MEGF10: variants seen among roughly 807,000 people sequenced by gnomAD.
MEGF10 encodes multiple EGF like domains 10.
In MEGF10, 86 loss-of-function variants were observed where a neutral mutation model predicts 147.5. That is an observed-to-expected ratio of 0.58 (90% CI 0.49 to 0.70). MEGF10 has a LOEUF of 0.70. MEGF10 is among the 30% of genes least tolerant of loss of function. The probability of loss-of-function intolerance (pLI) is 0.00; values close to 1 mark genes in which losing one functional copy is unlikely to be tolerated. For synonymous variants in MEGF10, 478 were observed against 525.5 expected, an observed-to-expected ratio of 0.91 and a Z score of 1.24; for missense variants, 1,329 against 1,487.3, an observed-to-expected ratio of 0.89 and a Z score of 1.75.
At chr5:127,316,757 G>A (rs1760563404) in intron 1 of MEGF10, among the ~76,000 whole-genome samples, 1 of 152,152 alleles carries the variant, frequency 6.6e-6, no homozygotes. Flanking sequence ...TGACATTAAG[G>A]AGTCTGGTAG....
the MEGF10 span, among the ~76,000 whole-genome samples, chr5:127,251,367 C>T: frequency 6.6e-6 from 1 of 151,978 alleles, no homozygotes; most frequent in Non-Finnish European, 1.5e-5. Context: ...GTTACTTAAA[C>T]TCTTTGTGCC....
chr5:127,355,681 A>G (rs1214595598), intron 4 of MEGF10, among the ~76,000 whole-genome samples: 1 of 152,238 alleles, frequency 6.6e-6, no homozygotes, highest in Non-Finnish European at 1.5e-5. Context: ...AGCAGGGAAG[A>G]TAGGAAATCT....
Position 127,315,899 on chromosome 5 carries a change from C to T in MEGF10, c.-18-15392C>T, listed in dbSNP as rs960770908. On this transcript the variant is annotated intron_variant, in intron 1 of 24. Transcript: ENST00000503335. ...GTGTGCTAATCTAACACTCTAAGAACATGTTGAAGCAGAGCAGTCTTTCAG... is the reference window on the plus strand; with the variant it reads ...GTGTGCTAATCTAACACTCTAAGAATATGTTGAAGCAGAGCAGTCTTTCAG... Among the ~76,000 whole-genome samples, 17 of 152,274 alleles carry T rather than the reference C, an allele frequency of 1.1e-4. No individual in the cohort carries two copies. The East Asian group carries it at 1.3e-3, about 12-fold the overall frequency.
chr5:127,247,440 GAA>G, the MEGF10 span, among the ~76,000 whole-genome samples: 1 of 113,338 alleles, frequency 8.8e-6, no homozygotes, highest in Non-Finnish European at 1.8e-5. Flanking sequence ...AGAAGAAGAA[GAA>G]GAAGAAGAAG....
chr5:127,451,534 A>T (rs1439947328), intron 22 of MEGF10, among the ~76,000 whole-genome samples: 2 of 152,220 alleles, frequency 1.3e-5, no homozygotes, highest in African/African-American at 4.8e-5. Context: ...AGTCTTAATT[A>T]CATTTATAAT....
chr5:127,454,716 G>T, intron 23 of MEGF10, 106 bp downstream of exon 23: 2 of 1,022,978 alleles, frequency 2.0e-6, no homozygotes. Flanking sequence ...AGAAAATGTA[G>T]AATTTTTAGT....
chr5:127,435,221 A>G (rs1765513670), intron 15 of MEGF10, 140 bp from the exon 16 acceptor site: 1 of 1,004,952 alleles, frequency 1.0e-6, no homozygotes, highest in Non-Finnish European at 1.4e-6. Flanking sequence ...CCCATTCAAG[A>G]TGAAGGATGC....
intron 4 of MEGF10, among the ~76,000 whole-genome samples, chr5:127,364,635 A>G (rs779760943): frequency 1.3e-5 from 2 of 152,232 alleles, no homozygotes; most frequent in Non-Finnish European, 2.9e-5. Flanking sequence ...AAGCAAAACG[A>G]TTCCTGTGCA....
intron 7 of MEGF10, among the ~76,000 whole-genome samples, chr5:127,402,174 T>A (rs138884979): frequency 6.6e-6 from 1 of 152,206 alleles, no homozygotes; most frequent in East Asian, 1.9e-4. Context: ...ATAAGTATTG[T>A]TGACTTATTG....
At chr5:127,334,577 A>G (rs1394339680) in intron 2 of MEGF10, among the ~76,000 whole-genome samples, 1 of 152,180 alleles carries the variant, frequency 6.6e-6, no homozygotes, top group Non-Finnish European at 1.5e-5. Flanking sequence ...TTGTACATAA[A>G]ATGAAATTAA....
intron 2 of MEGF10, among the ~76,000 whole-genome samples, chr5:127,338,608 C>T (rs1580732248): frequency 6.6e-6 from 1 of 152,090 alleles, no homozygotes; most frequent in African/African-American, 2.4e-5. Flanking sequence ...TATAGTCTTC[C>T]ATTGCCTGAA....
chr5:127,311,939 C>T (rs897097960), intron 1 of MEGF10, among the ~76,000 whole-genome samples: 1 of 152,124 alleles, frequency 6.6e-6, no homozygotes, highest in Non-Finnish European at 1.5e-5. Flanking sequence ...CCAGAGAAGC[C>T]AGCTTCTCAG....
chr5:127,382,131 A>G (rs777742471), intron 5 of MEGF10, among the ~76,000 whole-genome samples: 1 of 152,194 alleles, frequency 6.6e-6, no homozygotes, highest in Non-Finnish European at 1.5e-5. Flanking sequence ...TGATCAAAGT[A>G]TTTTTAAAAT....
the MEGF10 span, among the ~76,000 whole-genome samples, chr5:127,251,758 A>G: frequency 6.0e-3 from 918 of 152,150 alleles, 10 homozygotes; most frequent in African/African-American, 0.021. Context: ...AGTAAGATAT[A>G]AAACATTAAA....
rs1002325970 is a variant in MEGF10, at chr5:127,434,937, T to C, written c.1975+116T>C. ...CATGTTTTCAGCTGTCTGCTGGGAA[T>C]GTCTTCTGCTGTGCTGTGTCTGCAG... On this transcript the variant is annotated intron_variant, in intron 15 of 24. Coordinates refer to ENST00000503335, the MANE Select transcript of MEGF10 (RefSeq NM_001256545.2). 2.4e-6 allele frequency: 3 copies of C among 1,229,930 alleles called. No individual in the cohort carries two copies. In the African/African-American group the frequency reaches 4.4e-5, roughly 18 times the overall value. 76.2% of individuals were successfully genotyped at this position (1,229,930 alleles called of 1,614,324 possible). A position where few individuals can be genotyped will look rare whatever the true frequency, so the allele number is the denominator to read the frequency against.
rs1473123844 is a variant in MEGF10, at chr5:127,460,351, A to C, written c.*3033A>C. The stretch of plus-strand genomic sequence containing the variant: ...ATTATATGATAGTGAGGAACATTTT[A>C]CAATTATTTACAGTGTTTGACATTA... On this transcript the variant is annotated 3_prime_UTR_variant, in exon 25 of 25. Coordinates refer to ENST00000503335, the MANE Select transcript of MEGF10 (RefSeq NM_001256545.2). 6.6e-6 allele frequency: 1 copy of C among 152,218 alleles called. No homozygotes were observed. Among genetic ancestry groups the C allele is most frequent in the Non-Finnish European group, 1.5e-5 (1 of 68,026 alleles). 9.4% of individuals were successfully genotyped at this position (152,218 alleles called of 1,614,324 possible).
In MEGF10 at chr5:127,331,382, C is replaced by G. The variant is rs1286477718; in HGVS notation, c.74C>G (p.Pro25Arg). Reference protein sequence around the residue: ...LLCHWIGTASPLNLEDPNVCS... With the variant: ...LLCHWIGTASRLNLEDPNVCS... The stretch of plus-strand genomic sequence containing the variant: ...TGCCACTGGATTGGGACAGCATCAC[C>G]TCTGAATCTTGAAGACCCTAATGTG... Residue 25 changes from proline (P) to arginine (R), a missense_variant, in exon 2 of 25, where the codon CCT (proline) becomes CGT (arginine). Around this residue, in one of 3 missense-constraint regions of MEGF10, gnomAD observed 980 missense variants for 1,085.9 expected, o/e 0.90. Transcript: ENST00000503335. 1 of 1,613,056 alleles carries G rather than the reference C, an allele frequency of 6.2e-7. No individual in the cohort carries two copies. Among genetic ancestry groups the G allele is most frequent in the Non-Finnish European group, 8.5e-7 (1 of 1,179,206 alleles).
intron 16 of MEGF10, among the ~76,000 whole-genome samples, chr5:127,436,957 AT>A (rs957707861): frequency 5.3e-5 from 8 of 152,188 alleles, no homozygotes; most frequent in African/African-American, 1.9e-4. Flanking sequence ...TGGGAAAATG[AT>A]TTTTTAAAGC....
chr5:127,325,172 T>G (rs1289417450), intron 1 of MEGF10, among the ~76,000 whole-genome samples: 1 of 152,200 alleles, frequency 6.6e-6, no homozygotes, highest in Non-Finnish European at 1.5e-5. Context: ...AAGTTTGACT[T>G]TCTTCATGAG....
Sources: gnomAD v4.1 joint callset for allele counts (sites outside exome capture counted in the v4.1 genomes callset) on GRCh38, gnomAD v4.1.1 for gene constraint, gnomAD v4.1.1 regional missense constraint, MANE v1.5 for transcripts, NCBI Gene and HGNC (gene_info 2026-07-23, HGNC 2026-07-21) for gene names.